The following HEMK2 variants were observed in gnomAD, a reference collection of about 807,000 sequenced individuals.
HEMK2 encodes HemK methyltransferase 2, ETF1 glutamine and histone H4 lysine.
At chr21:28,876,540 GC>G in the HEMK2 span, 1 of 1,193,616 alleles carries the variant, frequency 8.4e-7, no homozygotes, top group Non-Finnish European at 1.2e-6. Flanking sequence ...TTGGTAGTGT[GC>G]ATGATCAATA....
At chr21:28,848,629 T>C in the HEMK2 span, among the ~76,000 whole-genome samples, 1 of 152,206 alleles carries the variant, frequency 6.6e-6, no homozygotes, top group South Asian at 2.1e-4. Flanking sequence ...TTAGCAATGT[T>C]ATTAGAAACA....
At chr21:28,866,175 A>AC in the HEMK2 span, among the ~76,000 whole-genome samples, 959 of 76,198 alleles carry the variant, frequency 0.013, 134 homozygotes, top group African/African-American at 0.03. Flanking sequence ...CAAAAAAAAA[A>AC]ACACACACAC....
chr21:28,736,455 A>C, the HEMK2 span, among the ~76,000 whole-genome samples: 2 of 152,204 alleles, frequency 1.3e-5, no homozygotes, highest in Non-Finnish European at 2.9e-5. Flanking sequence ...AAGCCTGAAT[A>C]TGTTAATATT....
chr21:28,617,586 T>C, the HEMK2 span, among the ~76,000 whole-genome samples: 3 of 152,330 alleles, frequency 2.0e-5, no homozygotes, highest in Non-Finnish European at 2.9e-5. Context: ...GAGAGATGCA[T>C]ATAAAAGTTG....
chr21:28,709,781 A>G, the HEMK2 span, among the ~76,000 whole-genome samples: 1 of 152,200 alleles, frequency 6.6e-6, no homozygotes, highest in African/African-American at 2.4e-5. Context: ...GGCGAGAGGA[A>G]GAGATTTTCC....
chr21:28,647,114 A>C, the HEMK2 span, among the ~76,000 whole-genome samples: 5 of 152,054 alleles, frequency 3.3e-5, no homozygotes, highest in African/African-American at 1.2e-4. Context: ...TTTTCCACCA[A>C]GGGAACTTGG....
At chr21:28,626,039 T>C in the HEMK2 span, among the ~76,000 whole-genome samples, 1 of 152,016 alleles carries the variant, frequency 6.6e-6, no homozygotes, top group Non-Finnish European at 1.5e-5. Context: ...AACTGAAATA[T>C]ACCAGGATTG....
At chr21:28,639,277 G>A in the HEMK2 span, among the ~76,000 whole-genome samples, 1 of 152,216 alleles carries the variant, frequency 6.6e-6, no homozygotes, top group African/African-American at 2.4e-5. Context: ...TGCCTTATGT[G>A]TTTATTGAAT....
chr21:28,594,382 C>A, the HEMK2 span, among the ~76,000 whole-genome samples: 1 of 152,112 alleles, frequency 6.6e-6, no homozygotes, highest in Non-Finnish European at 1.5e-5. Context: ...TTAATTGTGA[C>A]AAATGTACCA....
chr21:28,862,928 T>A, the HEMK2 span, among the ~76,000 whole-genome samples: 1 of 152,344 alleles, frequency 6.6e-6, no homozygotes, highest in Admixed American at 6.5e-5. Context: ...TTGAATTATG[T>A]TACGTGTCAT....
chr21:28,830,858 C>A, the HEMK2 span, among the ~76,000 whole-genome samples: 34,171 of 129,290 alleles, frequency 0.26, 5,620 homozygotes, highest in African/African-American at 0.5. Flanking sequence ...GCCTGGGTGA[C>A]AGAGCAAGAC....
At chr21:28,828,899 T>G in the HEMK2 span, among the ~76,000 whole-genome samples, 18 of 152,192 alleles carry the variant, frequency 1.2e-4, no homozygotes, top group Admixed American at 1.2e-3. Context: ...AATAAAACTA[T>G]ATATACAGTG....
At chr21:28,696,528 T>G in the HEMK2 span, among the ~76,000 whole-genome samples, 1 of 152,156 alleles carries the variant, frequency 6.6e-6, no homozygotes, top group Non-Finnish European at 1.5e-5. Context: ...CCTGGCTACT[T>G]TCATGGGTTG....
chr21:28,715,199 T>C, the HEMK2 span, among the ~76,000 whole-genome samples: 2,746 of 152,304 alleles, frequency 0.018, 41 homozygotes, highest in Middle Eastern at 0.024. Flanking sequence ...TTTTTAGTTC[T>C]TTGAGAAATT....
At chr21:28,673,095 GAAGA>G in the HEMK2 span, among the ~76,000 whole-genome samples, 19 of 147,980 alleles carry the variant, frequency 1.3e-4, no homozygotes, top group East Asian at 2.6e-3. Flanking sequence ...AGGGAGGAAG[GAAGA>G]AAGAAAGGAA....
At chr21:28,680,581 G>T in the HEMK2 span, among the ~76,000 whole-genome samples, 2 of 151,936 alleles carry the variant, frequency 1.3e-5, no homozygotes, top group Non-Finnish European at 2.9e-5. Context: ...TACCAAAGCC[G>T]GGCAGAGACA....
At chr21:28,691,850 T>C in the HEMK2 span, among the ~76,000 whole-genome samples, 3 of 152,238 alleles carry the variant, frequency 2.0e-5, no homozygotes, top group African/African-American at 7.2e-5. Flanking sequence ...GAACATTCTT[T>C]AAATGACTTT....
At chr21:28,850,445 C>T in the HEMK2 span, among the ~76,000 whole-genome samples, 1 of 151,964 alleles carries the variant, frequency 6.6e-6, no homozygotes, top group East Asian at 1.9e-4. Context: ...AGGATGGTCT[C>T]GATCTCCTGA....
the HEMK2 span, among the ~76,000 whole-genome samples, chr21:28,847,613 CTTTCA>C: frequency 6.6e-5 from 10 of 152,254 alleles, no homozygotes; most frequent in Non-Finnish European, 1.0e-4. Flanking sequence ...TGCAGAAGCT[CTTTCA>C]TTTAATTATG....
Sources: gnomAD v4.1 joint callset for allele counts (sites outside exome capture counted in the v4.1 genomes callset) on GRCh38, gnomAD v4.1.1 for gene constraint, MANE v1.5 for transcripts, NCBI Gene and HGNC (gene_info 2026-07-23, HGNC 2026-07-21) for gene names.